The following CD200R1L variants were observed in gnomAD, a reference collection of about 807,000 sequenced individuals.
The protein encoded by CD200R1L is CD200 receptor 1 like, also known as cell surface glycoprotein CD200 receptor 2.
A neutral mutation model predicts 24.8 loss-of-function variants in CD200R1L; 14 were observed. The ratio of observed to expected loss-of-function variants is 0.56; its 90% CI spans 0.37 to 0.88. The LOEUF (loss-of-function observed/expected upper bound fraction) is 0.88, where lower values mean the gene tolerates loss of function less well. CD200R1L is among the 40% of genes least tolerant of loss of function. The probability of loss-of-function intolerance (pLI) is 0.00; values close to 1 mark genes in which losing one functional copy is unlikely to be tolerated. For synonymous variants in CD200R1L, 111 were observed against 109.2 expected, an observed-to-expected ratio of 1.02 and a Z score of -0.11; for missense variants, 299 against 297.8, an observed-to-expected ratio of 1.00 and a Z score of -0.03.
chr3:112,827,598 A>C lies in CD200R1L; in HGVS notation c.136T>G (p.Trp46Gly), dbSNP rs971736354. 1 of 1,614,010 alleles carries C rather than the reference A, an allele frequency of 6.2e-7. No homozygotes were observed. The highest frequency in any genetic ancestry group is 8.5e-7 in the Non-Finnish European group (1 of 1,179,900). Residue 46 changes from tryptophan to glycine, a missense_variant, in exon 5 of 8, where the codon TGG becomes GGG. By Grantham distance (184) the Trp-to-Gly change is radical. Transcript: ENST00000488794. ...GGCTGGCCTCTCAGGATTATTTCCC[A>C]TGTTATTATGATCAAATTTCTTAAT... Reference protein sequence around the residue: ...IALRNLIIITWEIILRGQPSC... With the variant: ...IALRNLIIITGEIILRGQPSC...
chr3:112,839,322 A>G (rs1196573040), intron 2 of CD200R1L, among the ~76,000 whole-genome samples: 4 of 152,258 alleles, frequency 2.6e-5, no homozygotes, highest in Non-Finnish European at 5.9e-5. Flanking sequence ...AAGTAACAAT[A>G]GAGATATGCG....
At chr3:112,825,484 C>T in intron 6 of CD200R1L, among the ~76,000 whole-genome samples, 1 of 150,126 alleles carries the variant, frequency 6.7e-6, no homozygotes, top group East Asian at 1.9e-4. Context: ...ATTAAGTGAA[C>T]AAAGAATGAA....
chr3:112,837,488 C>T (rs1394456599), intron 3 of CD200R1L, among the ~76,000 whole-genome samples: 5 of 152,172 alleles, frequency 3.3e-5, no homozygotes, highest in Admixed American at 3.3e-4. Context: ...ATTGGCTGAA[C>T]ATTTTATGTG....
At chr3:112,829,955 C>T (rs991656934) in intron 3 of CD200R1L, among the ~76,000 whole-genome samples, 1 of 152,166 alleles carries the variant, frequency 6.6e-6, no homozygotes, top group African/African-American at 2.4e-5. Context: ...GACATGAACT[C>T]CCAACAGTCA....
chr3:112,826,478 A>T (rs1199383055), intron 6 of CD200R1L, among the ~76,000 whole-genome samples: 1 of 152,158 alleles, frequency 6.6e-6, no homozygotes, highest in Non-Finnish European at 1.5e-5. Flanking sequence ...TTGCTCCTAA[A>T]CACCAGATTA....
In CD200R1L at chr3:112,827,260, GA is replaced by G. The variant is rs572324262; in HGVS notation, c.368-20del. Reference sequence around the variant, plus strand: ...GGTGTAACTGCAGAGAGGAAAGAGGGAAAAAAATGCTTCAGTTTTCACATAA... The same window carrying G: ...GGTGTAACTGCAGAGAGGAAAGAGGGAAAAAATGCTTCAGTTTTCACATAA... On this transcript the variant is annotated intron_variant, in intron 5 of 7. Transcript: ENST00000488794. 12 of 1,590,384 alleles carry G rather than the reference GA, an allele frequency of 7.5e-6. No homozygotes were observed. In the East Asian group the frequency reaches 1.1e-4, roughly 15 times the overall value.
chr3:112,831,405 G>A (rs1016978116), intron 3 of CD200R1L, among the ~76,000 whole-genome samples: 3 of 152,126 alleles, frequency 2.0e-5, no homozygotes, highest in Admixed American at 6.5e-5. Flanking sequence ...CAATGTGTAC[G>A]TGTGTGCATG....
rs371683546 is a variant in CD200R1L at position 112,827,370 on chromosome 3, A to G, written c.364T>C (p.Leu122=). 5 of 1,612,620 alleles carry G rather than the reference A, an allele frequency of 3.1e-6. No individual in the cohort carries two copies. In the African/African-American group the frequency reaches 5.3e-5, roughly 17 times the overall value. The stretch of plus-strand genomic sequence containing the variant: ...CTCAGTATGTGATGCTCCTTACCTA[A>G]CACTTGGAGGTGATATCCACGATGG... The part of the protein sequence containing the change: ...NFHRGYHLQV[L]VTPEVNLFQS... Residue 122 remains leucine, a synonymous_variant, in exon 5 of 8, where the codon TTA becomes CTA. Transcript: ENST00000488794.
intron 2 of CD200R1L, 83 bp downstream of exon 2, chr3:112,845,596 T>A: frequency 9.0e-7 from 1 of 1,114,520 alleles, no homozygotes; most frequent in Non-Finnish European, 1.4e-6. Context: ...AAACACCTTA[T>A]AAGTAAGTAG....
At chr3:112,842,057 C>T (rs1939095374) in intron 2 of CD200R1L, among the ~76,000 whole-genome samples, 1 of 152,210 alleles carries the variant, frequency 6.6e-6, no homozygotes, top group Non-Finnish European at 1.5e-5. Context: ...CCACGGCCCA[C>T]AACATCTGGA....
At chr3:112,819,203 C>G (rs112235139) in intron 7 of CD200R1L, among the ~76,000 whole-genome samples, 1 of 152,038 alleles carries the variant, frequency 6.6e-6, no homozygotes, top group African/African-American at 2.4e-5. Flanking sequence ...TCCCTCAACA[C>G]GTGGGGATTA....
chr3:112,845,189 A>G (rs1485540655), intron 2 of CD200R1L, among the ~76,000 whole-genome samples: 2 of 152,190 alleles, frequency 1.3e-5, no homozygotes, highest in Non-Finnish European at 2.9e-5. Context: ...CTACAATCAG[A>G]TATTACACAG....
intron 2 of CD200R1L, among the ~76,000 whole-genome samples, chr3:112,838,879 G>A (rs528781926): frequency 7.9e-5 from 12 of 152,264 alleles, no homozygotes; most frequent in Admixed American, 4.6e-4. Context: ...TCGGCTGAAA[G>A]GCCTTAAGAG....
chr3:112,829,660 C>T, intron 3 of CD200R1L: 1 of 474,570 alleles, frequency 2.1e-6, no homozygotes, highest in South Asian at 9.1e-5. Flanking sequence ...GTAACCATGC[C>T]TCCCCCTATT....
chr3:112,820,760 T>C (rs1437642935), intron 6 of CD200R1L, among the ~76,000 whole-genome samples: 1 of 151,318 alleles, frequency 6.6e-6, no homozygotes, highest in Non-Finnish European at 1.5e-5. Flanking sequence ...TCTTATCCTA[T>C]GAAATTGACC....
chr3:112,827,691 A>G lies in CD200R1L; in HGVS notation c.50-7T>C, dbSNP rs770980828. The G allele has an allele frequency of 1.1e-5, 17 of 1,609,674 alleles. No individual in the cohort carries two copies. In the Admixed American group the frequency reaches 2.9e-4, roughly 27 times the overall value. On this transcript the variant is annotated splice_region_variant and splice_polypyrimidine_tract_variant and intron_variant, in intron 4 of 7. Coordinates refer to ENST00000488794, the MANE Select transcript of CD200R1L (RefSeq NM_001199215.3). ...ACAGGCTGTGAAATGTTACCTGGAC[A>G]CACACACAAAGGATAATGATATAGA...
rs192192959 is a variant in CD200R1L, at chr3:112,832,268, G to A, written c.-17-2884C>T. ...CCTCCTGTTAGAGTAGAAACATATC[G>A]GAGTCAGATGATAAAAGAAATCCTG... is the stretch of plus-strand genomic sequence containing the variant. On this transcript the variant is annotated intron_variant, in intron 3 of 7. Coordinates refer to ENST00000488794, the MANE Select transcript of CD200R1L (RefSeq NM_001199215.3). Among the ~76,000 whole-genome samples the A allele has an allele frequency of 1.1e-3, 162 of 152,210 alleles. 1 individual carries two copies. Among genetic ancestry groups the A allele is most frequent in the Middle Eastern group, 3.4e-3 (1 of 294 alleles).
chr3:112,830,543 T>G (rs918662943), intron 3 of CD200R1L, among the ~76,000 whole-genome samples: 2 of 139,004 alleles, frequency 1.4e-5, no homozygotes, highest in African/African-American at 5.4e-5. Context: ...CTCTCTTTCC[T>G]GTAGGCTTTG....
Position 112,829,312 on chromosome 3 carries a change from A to G in CD200R1L, c.49+7T>C, listed in dbSNP as rs531878901. 4.2e-5 allele frequency: 68 copies of G among 1,610,730 alleles called. No homozygotes were observed. Among genetic ancestry groups the G allele is most frequent in the Non-Finnish European group, 5.2e-5 (61 of 1,176,974 alleles). ...CAGTGCTGGCCACTACTAAGGGAGC[A>G]TATTACCTTCTGCAAAAATTGTTGA... On this transcript the variant is annotated splice_region_variant and intron_variant, in intron 4 of 7. Coordinates refer to ENST00000488794, the MANE Select transcript of CD200R1L (RefSeq NM_001199215.3).
Sources: gnomAD v4.1 joint callset for allele counts (sites outside exome capture counted in the v4.1 genomes callset) on GRCh38, gnomAD v4.1.1 for gene constraint, MANE v1.5 for transcripts, NCBI Gene and HGNC (gene_info 2026-07-23, HGNC 2026-07-21) for gene names.